Variants in GRK3 observed in about 807,000 individuals in gnomAD.
GRK3 encodes the protein G protein-coupled receptor kinase 3.
In GRK3, 54 loss-of-function variants were observed where a neutral mutation model predicts 95.7. That is an observed-to-expected ratio of 0.56 (90% CI 0.45 to 0.71). The LOEUF is 0.71. Among genes scored for constraint, GRK3 ranks in the 30% least tolerant of loss-of-function variants. The pLI is 0.00. For missense variants in GRK3, 649 were observed against 851.2 expected (o/e 0.76, Z 2.96); for synonymous variants, 281 against 290.8 (o/e 0.97, Z 0.34).
chr22:25,706,855 C>T lies in GRK3; in HGVS notation c.1328+2646C>T, dbSNP rs2085303779. Among the ~76,000 whole-genome samples the T allele has an allele frequency of 2.0e-5, 3 of 152,184 alleles. No individual in the cohort carries two copies. In the South Asian group the frequency reaches 6.2e-4, roughly 31 times the overall value. ...GTTTTTTAAAAGTGATAGTATCTCA[C>T]TCTGTCACCCAGACTGGAGTGCAAT... On this transcript the variant is annotated intron_variant, in intron 15 of 20. Transcript: ENST00000324198.
chr22:25,701,621 T>G (rs1415010142), intron 13 of GRK3, among the ~76,000 whole-genome samples: 2 of 152,178 alleles, frequency 1.3e-5, no homozygotes, highest in Non-Finnish European at 2.9e-5. Flanking sequence ...CTTTTTAAAT[T>G]TAGCACAGAG....
rs542086916 is a variant in GRK3, at chr22:25,693,774, C to CTTT, written c.1053-1313_1053-1311dup. Reference sequence around the variant, plus strand: ...GCTGAGCATAAGCAAGTTAAAAATTCTTTTTTTTTTTTTTTTTTTTTTGAG... The same window carrying CTTT: ...GCTGAGCATAAGCAAGTTAAAAATTCTTTTTTTTTTTTTTTTTTTTTTTTTGAG... On this transcript the variant is annotated intron_variant, in intron 12 of 20. Transcript: ENST00000324198. Among the ~76,000 whole-genome samples, 528 of 112,738 alleles carry CTTT rather than the reference C, an allele frequency of 4.7e-3. 2 individuals are homozygous for CTTT. Among genetic ancestry groups the CTTT allele is most frequent in the African/African-American group, 5.8e-3 (191 of 32,802 alleles). The allele number at this position is 112,738 out of a possible 152,430, so 74.0% of individuals were successfully genotyped here. A position where few individuals can be genotyped will look rare whatever the true frequency, so the allele number is the denominator to read the frequency against.
Position 25,633,210 on chromosome 22 carries a change from C to T in GRK3, c.191-11382C>T, listed in dbSNP as rs1025076477. ...AGGATTACAGGTGTGAGCCACTGTG[C>T]CCGGCCTATAATATATCTTGAACCA... On this transcript the variant is annotated intron_variant, in intron 2 of 20. Coordinates refer to ENST00000324198, the MANE Select transcript of GRK3 (RefSeq NM_005160.4). Among the ~76,000 whole-genome samples the T allele has an allele frequency of 3.3e-5, 5 of 152,138 alleles. No individual in the cohort carries two copies. The East Asian group carries it at 9.6e-4, about 29-fold the overall frequency.
chr22:25,577,523 T>C (rs1931948240), intron 1 of GRK3, among the ~76,000 whole-genome samples: 1 of 152,214 alleles, frequency 6.6e-6, no homozygotes, highest in African/African-American at 2.4e-5. Context: ...CAGTTCATTC[T>C]AAATTGTGAT....
Position 25,565,150 on chromosome 22 carries a change from C to G in GRK3, c.110C>G (p.Pro37Arg). ...AGCAAGAGGATCGTCCTGCCGGAGC[C>G]CAGGTACCAGCTGCCCCGGCCGGCG... is the stretch of plus-strand genomic sequence containing the variant. ...RASKRIVLPEPSIRSVMQKYL... is the reference protein window; with the variant it reads ...RASKRIVLPERSIRSVMQKYL... The change falls in exon 1 of 21, where the codon CCC becomes CGC. Residue 37 changes from proline (P) to arginine (R), a missense_variant. Around this residue, in one of 3 missense-constraint regions of GRK3, gnomAD observed 206 missense variants for 231.4 expected, o/e 0.89. Coordinates refer to ENST00000324198, the MANE Select transcript of GRK3 (RefSeq NM_005160.4). The G allele has an allele frequency of 6.6e-7, 1 of 1,510,610 alleles. No homozygotes were observed. Among genetic ancestry groups the G allele is most frequent in the Admixed American group, 2.2e-5 (1 of 46,014 alleles). 93.6% of individuals were successfully genotyped at this position (1,510,610 alleles called of 1,614,324 possible). A position where few individuals can be genotyped will look rare whatever the true frequency, so the allele number is the denominator to read the frequency against.
chr22:25,678,516 C>T (rs530059708), intron 8 of GRK3, among the ~76,000 whole-genome samples: 5 of 152,276 alleles, frequency 3.3e-5, no homozygotes, highest in African/African-American at 1.2e-4. Context: ...TTCCTAGCTG[C>T]TAAATATATA....
At chr22:25,580,071 A>G (rs575531505) in intron 1 of GRK3, among the ~76,000 whole-genome samples, 4 of 152,310 alleles carry the variant, frequency 2.6e-5, no homozygotes, top group Non-Finnish European at 5.9e-5. Flanking sequence ...CAAATGGTGG[A>G]CTTGAATATG....
intron 1 of GRK3, among the ~76,000 whole-genome samples, chr22:25,586,631 G>T (rs1485921338): frequency 6.6e-6 from 1 of 152,290 alleles, no homozygotes; most frequent in Non-Finnish European, 1.5e-5. Flanking sequence ...GGGGAGGGCT[G>T]CATAGTCTTG....
At chr22:25,673,067 C>CTTT (rs1192455904) in intron 7 of GRK3, among the ~76,000 whole-genome samples, 2 of 82,202 alleles carry the variant, frequency 2.4e-5, no homozygotes, top group Non-Finnish European at 4.9e-5. Context: ...GGAAGAGGGG[C>CTTT]TTTTTTTTTT....
chr22:25,672,321 T>TG lies in GRK3; in HGVS notation c.531dup (p.Lys178GlufsTer4). 1 of 1,479,602 alleles carries TG rather than the reference T, an allele frequency of 6.8e-7. No homozygotes were observed. Among genetic ancestry groups the TG allele is most frequent in the Non-Finnish European group, 9.3e-7 (1 of 1,073,918 alleles). 91.7% of individuals were successfully genotyped at this position (1,479,602 alleles called of 1,614,324 possible). On this transcript the variant is annotated frameshift_variant, in exon 7 of 21. Coordinates refer to ENST00000324198, the MANE Select transcript of GRK3 (RefSeq NM_005160.4). LOFTEE classifies it high-confidence loss of function. ...TGACAAGTTCACTAGATTTTGTCAG[T>TG]GGAAAAACGTTGAATTAAATATCCA... is the stretch of plus-strand genomic sequence containing the variant.
intron 19 of GRK3, among the ~76,000 whole-genome samples, chr22:25,720,864 C>T (rs1319175534): frequency 2.0e-5 from 3 of 152,204 alleles, no homozygotes; most frequent in Non-Finnish European, 2.9e-5. Context: ...AAGCTGACAT[C>T]AGTAAACATT....
At chr22:25,692,512 A>G (rs1180576264) in intron 12 of GRK3, among the ~76,000 whole-genome samples, 1 of 152,262 alleles carries the variant, frequency 6.6e-6, no homozygotes, top group Non-Finnish European at 1.5e-5. Flanking sequence ...ACGGTAAGAC[A>G]GAGCTGACCT....
In GRK3 at chr22:25,656,148, CTG is replaced by C. The variant is rs765339661; in HGVS notation, c.265-5422_265-5421del. Among the ~76,000 whole-genome samples, 295 of 152,254 alleles carry C rather than the reference CTG, an allele frequency of 1.9e-3. 3 individuals are homozygous for C. The highest frequency in any genetic ancestry group is 1.5e-3 in the Non-Finnish European group (100 of 68,016). On this transcript the variant is annotated intron_variant, in intron 3 of 20. Coordinates refer to ENST00000324198, the MANE Select transcript of GRK3 (RefSeq NM_005160.4). ...ACAGTGATGCCCCACAGCTACTGCT[CTG>C]TGTGTTGATTTATATACTTCTTATT...
intron 13 of GRK3, chr22:25,702,693 G>A: frequency 5.6e-6 from 2 of 359,158 alleles, no homozygotes; most frequent in South Asian, 4.2e-5. Flanking sequence ...ATTTCATAAA[G>A]TAAGAGTTAT....
At position 25,667,803 on chromosome 22, in the gene GRK3, A is replaced by G. The variant is rs773988899; in HGVS notation, c.503+3A>G. 4 of 1,573,122 alleles carry G rather than the reference A, an allele frequency of 2.5e-6. No individual in the cohort carries two copies. The highest frequency in any genetic ancestry group is 3.3e-5 in the Admixed American group (2 of 59,878). On this transcript the variant is annotated splice_donor_region_variant and intron_variant, in intron 6 of 20. Coordinates refer to ENST00000324198, the MANE Select transcript of GRK3 (RefSeq NM_005160.4). ...ATTTTTCAAAAATTTATGGAAAGGT[A>G]TGAAACTTTATGCATATATATACAC...
chr22:25,621,580 T>G (rs2084586413), intron 2 of GRK3, among the ~76,000 whole-genome samples: 1 of 152,228 alleles, frequency 6.6e-6, no homozygotes, highest in African/African-American at 2.4e-5. Context: ...CCAGTCCTCA[T>G]TTTTGGTAAA....
chr22:25,643,663 C>T (rs1377125339), intron 2 of GRK3, among the ~76,000 whole-genome samples: 1 of 152,158 alleles, frequency 6.6e-6, no homozygotes, highest in African/African-American at 2.4e-5. Flanking sequence ...TCAGCTTGTT[C>T]TATTTAATTT....
chr22:25,626,484 C>T (rs182447480), intron 2 of GRK3, among the ~76,000 whole-genome samples: 1 of 152,260 alleles, frequency 6.6e-6, no homozygotes, highest in African/African-American at 2.4e-5. Flanking sequence ...AGAGATATCC[C>T]CACTTCCGGG....
At chr22:25,622,754 C>A (rs1214365966) in intron 2 of GRK3, among the ~76,000 whole-genome samples, 2 of 152,040 alleles carry the variant, frequency 1.3e-5, no homozygotes, top group African/African-American at 4.8e-5. Flanking sequence ...AGGAAGTCGC[C>A]AAAGGTGGCT....
Sources: gnomAD v4.1 joint callset for allele counts (sites outside exome capture counted in the v4.1 genomes callset) on GRCh38, gnomAD v4.1.1 for gene constraint, gnomAD v4.1.1 regional missense constraint, MANE v1.5 for transcripts, NCBI Gene and HGNC (gene_info 2026-07-23, HGNC 2026-07-21) for gene names.